Variants in C3orf70 observed in about 807,000 individuals in gnomAD.
The protein encoded by C3orf70 is chromosome 3 open reading frame 70, also known as UPF0524 protein C3orf70.
A neutral mutation model predicts 20.7 loss-of-function variants in C3orf70; 15 were observed. The ratio of observed to expected loss-of-function variants is 0.72; its 90% CI spans 0.48 to 1.11. The LOEUF (loss-of-function observed/expected upper bound fraction) is 1.11, where lower values mean the gene tolerates loss of function less well. C3orf70 is among the 50% of genes most tolerant of loss of function. The pLI, the probability that C3orf70 is intolerant of heterozygous loss-of-function variation, is 0.00. For missense variants in C3orf70, 332 were observed against 317.6 expected, an observed-to-expected ratio of 1.05 and a Z score of -0.34; for synonymous variants, 161 against 125.7, an observed-to-expected ratio of 1.28 and a Z score of -1.88.
At chr3:185,088,311 AAAC>A (rs1232338640) in intron 1 of C3orf70, among the ~76,000 whole-genome samples, 7 of 152,252 alleles carry the variant, frequency 4.6e-5, no homozygotes, top group African/African-American at 1.2e-4. Context: ...CATAATGAGA[AAAC>A]AACCCAATTT....
chr3:185,106,248 G>C (rs1715936544), intron 1 of C3orf70, among the ~76,000 whole-genome samples: 1 of 152,154 alleles, frequency 6.6e-6, no homozygotes, highest in African/African-American at 2.4e-5. Flanking sequence ...AAATATTATA[G>C]CTACATTTGA....
chr3:185,104,062 C>T (rs1410321471), intron 1 of C3orf70, among the ~76,000 whole-genome samples: 1 of 152,216 alleles, frequency 6.6e-6, no homozygotes, highest in African/African-American at 2.4e-5. Context: ...CAAACAGCTA[C>T]AGAGATGACA....
At chr3:185,095,246 C>T (rs1349732002) in intron 1 of C3orf70, among the ~76,000 whole-genome samples, 1 of 152,154 alleles carries the variant, frequency 6.6e-6, no homozygotes, top group African/African-American at 2.4e-5. Flanking sequence ...ACTAGACTGA[C>T]CAACAGATTT....
At chr3:185,090,994 G>A (rs1715557719) in intron 1 of C3orf70, among the ~76,000 whole-genome samples, 1 of 152,092 alleles carries the variant, frequency 6.6e-6, no homozygotes, top group South Asian at 2.1e-4. Context: ...ACCACCAGAC[G>A]CATGGCTTAT....
Position 185,148,863 on chromosome 3 carries a change from G to GT in C3orf70, c.196+3764dup, listed in dbSNP as rs570235330. ...TGCACCAAGCACTGAATCTGTGAAT[G>GT]TATATGTGCTTTATGTCTTTTATGG... On this transcript the variant is annotated intron_variant, in intron 1 of 1. Transcript: ENST00000335012. Among the ~76,000 whole-genome samples the GT allele has an allele frequency of 2.2e-3, 334 of 152,284 alleles. 1 individual carries two copies. Among genetic ancestry groups the GT allele is most frequent in the African/African-American group, 7.7e-3 (320 of 41,560 alleles).
chr3:185,108,865 TTGTC>T (rs1358322619), intron 1 of C3orf70, among the ~76,000 whole-genome samples: 1 of 152,232 alleles, frequency 6.6e-6, no homozygotes, highest in African/African-American at 2.4e-5. Flanking sequence ...TTTTCTCACT[TTGTC>T]TGGGCTACAT....
intron 1 of C3orf70, among the ~76,000 whole-genome samples, chr3:185,085,909 G>A (rs930343894): frequency 2.0e-5 from 3 of 152,170 alleles, no homozygotes; most frequent in African/African-American, 4.8e-5. Flanking sequence ...ATAAAACGCG[G>A]AATGAAGGTT....
At position 185,083,550 on chromosome 3, in the gene C3orf70, A is replaced by AT; in HGVS notation, c.209dup (p.Tyr70Ter). ...HLGWCHCKYM[Y>*]QPMTPVEQLP... ...GCTGTTCCACAGGGGTCATAGGCTG[A>AT]TACATGTATTTGCCTGTGAAGACAC... The change falls in exon 2 of 2, where the codon TAT becomes TAAT. Residue 70 changes from tyrosine (Y) to a stop codon, truncating the protein, a stop_gained and frameshift_variant. Transcript: ENST00000335012. LOFTEE classifies it high-confidence loss of function. 1 of 1,594,116 alleles carries AT rather than the reference A, an allele frequency of 6.3e-7. No individual in the cohort carries two copies.
At chr3:185,145,523 T>C (rs1284890983) in intron 1 of C3orf70, among the ~76,000 whole-genome samples, 3 of 152,350 alleles carry the variant, frequency 2.0e-5, no homozygotes, top group African/African-American at 7.2e-5. Context: ...TCCAAAAATA[T>C]TCATACTGCA....
chr3:185,151,841 G>T (rs1384342875), intron 1 of C3orf70, among the ~76,000 whole-genome samples: 2 of 152,186 alleles, frequency 1.3e-5, no homozygotes, highest in Non-Finnish European at 1.5e-5. Flanking sequence ...ATCAAATTGT[G>T]AAATTCTAAT....
At chr3:185,149,191 G>A (rs565940478) in intron 1 of C3orf70, among the ~76,000 whole-genome samples, 2 of 152,096 alleles carry the variant, frequency 1.3e-5, no homozygotes, top group African/African-American at 2.4e-5. Flanking sequence ...TCAGGAGTTC[G>A]AGACCAGCCT....
chr3:185,129,029 A>G (rs745835878), intron 1 of C3orf70, among the ~76,000 whole-genome samples: 1 of 152,218 alleles, frequency 6.6e-6, no homozygotes, highest in Non-Finnish European at 1.5e-5. Flanking sequence ...AAAAGCTCCT[A>G]TGAACATAAA....
chr3:185,150,610 A>T (rs1716972667), intron 1 of C3orf70, among the ~76,000 whole-genome samples: 1 of 152,234 alleles, frequency 6.6e-6, no homozygotes, highest in South Asian at 2.1e-4. Flanking sequence ...CAAGCTCAGT[A>T]TGTGATGAAG....
intron 1 of C3orf70, among the ~76,000 whole-genome samples, chr3:185,138,955 A>T (rs1421769945): frequency 1.3e-5 from 2 of 152,002 alleles, no homozygotes; most frequent in African/African-American, 4.8e-5. Flanking sequence ...TTTTTTAATT[A>T]GCTGGACATG....
intron 1 of C3orf70, among the ~76,000 whole-genome samples, chr3:185,086,892 T>C (rs1715469323): frequency 6.6e-6 from 1 of 152,238 alleles, no homozygotes; most frequent in Admixed American, 6.5e-5. Flanking sequence ...TAATACTATA[T>C]TGTTTATAAA....
At chr3:185,094,825 G>T (rs1715668218) in intron 1 of C3orf70, among the ~76,000 whole-genome samples, 1 of 152,176 alleles carries the variant, frequency 6.6e-6, no homozygotes, top group South Asian at 2.1e-4. Flanking sequence ...TTAGAAAAGA[G>T]AGCTGAGGGA....
At chr3:185,141,834 AC>A (rs879710262) in intron 1 of C3orf70, among the ~76,000 whole-genome samples, 93 of 151,598 alleles carry the variant, frequency 6.1e-4, no homozygotes, top group African/African-American at 2.2e-3. Context: ...ACACACACAC[AC>A]ATTTCCTAAA....
In C3orf70 at chr3:185,152,815, C is replaced by T. The variant is rs150259905; in HGVS notation, c.9G>A (p.Ala3=). MS[A]AASPASERGW... ...CCCGCTCCGACGCCGGCGAGGCCGC[C>T]GCACTCATTTCCTCTCCCTCCGCGC... Residue 3 remains alanine, a synonymous_variant, in exon 1 of 2, where the codon GCG becomes GCA. Coordinates refer to ENST00000335012, the MANE Select transcript of C3orf70 (RefSeq NM_001025266.3). 167 of 1,559,506 alleles carry T rather than the reference C, an allele frequency of 1.1e-4. No homozygotes were observed. The African/African-American group carries it at 2.2e-3, about 20-fold the overall frequency.
chr3:185,132,350 TA>T (rs1231527446), intron 1 of C3orf70, among the ~76,000 whole-genome samples: 2 of 151,418 alleles, frequency 1.3e-5, no homozygotes. Flanking sequence ...TAAAAACAAG[TA>T]ACTATTAAAA....
Sources: gnomAD v4.1 joint callset for allele counts (sites outside exome capture counted in the v4.1 genomes callset) on GRCh38, gnomAD v4.1.1 for gene constraint, MANE v1.5 for transcripts, NCBI Gene and HGNC (gene_info 2026-07-23, HGNC 2026-07-21) for gene names.